Variants in USP32 observed in about 807,000 individuals in gnomAD.
USP32 encodes the protein ubiquitin carboxyl-terminal hydrolase 32.
A neutral mutation model predicts 204.8 loss-of-function variants in USP32; 59 were observed. That is an observed-to-expected ratio of 0.29 (90% CI 0.23 to 0.36). USP32 has a LOEUF of 0.36. Ranked by LOEUF, USP32 falls within the 10% of genes least tolerant of loss-of-function variation. USP32 has a pLI of 1.00. For missense variants in USP32, 1,160 were observed against 1,946.4 expected (o/e 0.60, Z 7.60); for synonymous variants, 517 against 678.4 (o/e 0.76, Z 3.70).
intron 7 of USP32, 131 bp downstream of exon 7, chr17:60,269,319 G>T: frequency 1.5e-6 from 1 of 669,082 alleles, no homozygotes; most frequent in East Asian, 3.1e-5. Flanking sequence ...ACCCTAACAT[G>T]AGATTAATAT....
rs192617491 is a variant in USP32, at chr17:60,297,268, A to G, written c.293-2467T>C. Among the ~76,000 whole-genome samples, 774 of 152,140 alleles carry G rather than the reference A, an allele frequency of 5.1e-3. 1 individual carries two copies. The highest frequency in any genetic ancestry group is 0.014 in the Middle Eastern group (4 of 294). ...TTAAAAATTAGCTGGGCATTGTGGT[A>G]CGTGCCTCTAGTCCCAGCTACTCAG... is the stretch of plus-strand genomic sequence containing the variant. On this transcript the variant is annotated intron_variant, in intron 3 of 33. Coordinates refer to ENST00000300896, the MANE Select transcript of USP32 (RefSeq NM_032582.4).
rs978539977 is a variant in USP32 at position 60,200,238 on chromosome 17, T to C, written c.3250-1794A>G. 2.6e-5 allele frequency among the ~76,000 whole-genome samples: 4 copies of C among 151,402 alleles called. No individual in the cohort carries two copies. The East Asian group carries it at 5.8e-4, about 22-fold the overall frequency. ...GAAATTTTAAGCCAAGGGCTACTAATGCAGAGAAAAATAAAAATCAGAGGT... is the reference window on the plus strand; with the variant it reads ...GAAATTTTAAGCCAAGGGCTACTAACGCAGAGAAAAATAAAAATCAGAGGT... On this transcript the variant is annotated intron_variant, in intron 26 of 33. Transcript: ENST00000300896.
At chr17:60,350,167 C>T (rs1222055997) in intron 1 of USP32, among the ~76,000 whole-genome samples, 1 of 151,826 alleles carries the variant, frequency 6.6e-6, no homozygotes, top group Non-Finnish European at 1.5e-5. Flanking sequence ...CTCCCACTGC[C>T]ACACGTGGAT....
At chr17:60,252,061 T>G (rs536186340) in intron 11 of USP32, among the ~76,000 whole-genome samples, 167 of 152,186 alleles carry the variant, frequency 1.1e-3, no homozygotes, top group Non-Finnish European at 1.9e-3. Context: ...TCTCTGCTTC[T>G]TTTTGTTTAG....
intron 2 of USP32, among the ~76,000 whole-genome samples, chr17:60,325,649 A>C (rs908412938): frequency 1.3e-5 from 2 of 151,686 alleles, no homozygotes; most frequent in East Asian, 3.9e-4. Context: ...GTAAAGGGCC[A>C]GGCGCGGTGG....
At chr17:60,265,694 G>T (rs1032264813) in intron 8 of USP32, among the ~76,000 whole-genome samples, 1 of 152,014 alleles carries the variant, frequency 6.6e-6, no homozygotes. Context: ...TACTGCGCCC[G>T]GCCTTGCTCA....
At chr17:60,346,410 T>C (rs1312742682) in intron 1 of USP32, among the ~76,000 whole-genome samples, 1 of 152,224 alleles carries the variant, frequency 6.6e-6, no homozygotes, top group Non-Finnish European at 1.5e-5. Flanking sequence ...TCCTTTGTGA[T>C]AAAAATTATA....
In USP32 at chr17:60,366,182, G is replaced by A. The variant is rs374130483; in HGVS notation, c.59-20574C>T. On this transcript the variant is annotated intron_variant, in intron 1 of 33. Coordinates refer to ENST00000300896, the MANE Select transcript of USP32 (RefSeq NM_032582.4). ...TTTTCTTTTTTCTTTTTTTTGAGAC[G>A]GAGTCTTGCTCTGTCGCCTAGGCTG... 1.7e-4 allele frequency among the ~76,000 whole-genome samples: 26 copies of A among 150,968 alleles called. No homozygotes were observed. In the East Asian group the frequency reaches 4.5e-3, roughly 26 times the overall value.
chr17:60,419,144 G>A (rs532306595), intron 1 of USP32, among the ~76,000 whole-genome samples: 29 of 152,260 alleles, frequency 1.9e-4, no homozygotes, highest in Middle Eastern at 6.8e-3. Flanking sequence ...ACTGAATAAA[G>A]AAAATGTGGT....
chr17:60,281,492 C>T (rs1344312532), intron 5 of USP32, among the ~76,000 whole-genome samples: 1 of 150,766 alleles, frequency 6.6e-6, no homozygotes. Flanking sequence ...GAGCTGAGAT[C>T]ATGCCACTGC....
chr17:60,396,489 C>T (rs2089902099), upstream of USP32, among the ~76,000 whole-genome samples: 1 of 152,178 alleles, frequency 6.6e-6, no homozygotes, highest in South Asian at 2.1e-4. Flanking sequence ...ACGTCATTCT[C>T]TAATCTGCAG....
At chr17:60,221,486 A>G (rs1414112142) in intron 15 of USP32, among the ~76,000 whole-genome samples, 1 of 151,976 alleles carries the variant, frequency 6.6e-6, no homozygotes, top group Non-Finnish European at 1.5e-5. Context: ...CTTGGACATT[A>G]TAAAAGGAAG....
At chr17:60,201,840 G>A (rs531135412) in intron 26 of USP32, among the ~76,000 whole-genome samples, 42 of 152,202 alleles carry the variant, frequency 2.8e-4, no homozygotes, top group African/African-American at 9.9e-4. Flanking sequence ...TGTATTTTTA[G>A]TAGAGATGGA....
intron 3 of USP32, among the ~76,000 whole-genome samples, chr17:60,297,544 A>T (rs1309006033): frequency 1.3e-5 from 2 of 150,726 alleles, no homozygotes; most frequent in Non-Finnish European, 3.0e-5. Flanking sequence ...CACCTCCTGG[A>T]TTCAAGCAAT....
intron 1 of USP32, among the ~76,000 whole-genome samples, chr17:60,377,840 T>A (rs1405261623): frequency 6.6e-6 from 1 of 152,122 alleles, no homozygotes; most frequent in Non-Finnish European, 1.5e-5. Context: ...AGCTGTGGGG[T>A]CACTCTATCA....
chr17:60,237,339 G>C (rs1360948595), intron 11 of USP32, among the ~76,000 whole-genome samples: 1 of 148,618 alleles, frequency 6.7e-6, no homozygotes, highest in Non-Finnish European at 1.5e-5. Flanking sequence ...TAGAGACAAG[G>C]TCTCACTATG....
At chr17:60,420,295 A>G (rs2090100344) in intron 1 of USP32, among the ~76,000 whole-genome samples, 2 of 151,988 alleles carry the variant, frequency 1.3e-5, no homozygotes, top group African/African-American at 4.8e-5. Context: ...CACCCGGCAG[A>G]ATTATGTTGT....
At position 60,392,088 on chromosome 17, in the gene USP32, C is replaced by A; in HGVS notation, c.-149G>T. On this transcript the variant is annotated 5_prime_UTR_variant, in exon 1 of 34. Coordinates refer to ENST00000300896, the MANE Select transcript of USP32 (RefSeq NM_032582.4). ...ACACTAACAAGTGCGGCTTCTGCCC[C>A]GGCGGCTCCTCCCGGTCGCCGCCAC... 1.5e-5 allele frequency: 13 copies of A among 867,866 alleles called. No homozygotes were observed. The highest frequency in any genetic ancestry group is 2.0e-5 in the Non-Finnish European group (12 of 589,456). 53.8% of individuals were successfully genotyped at this position (867,866 alleles called of 1,614,324 possible).
intron 9 of USP32, among the ~76,000 whole-genome samples, chr17:60,260,646 T>C (rs1202751015): frequency 1.3e-5 from 2 of 151,816 alleles, no homozygotes; most frequent in East Asian, 1.9e-4. Flanking sequence ...TTAGTAAACA[T>C]TTTACTAAGT....
Sources: gnomAD v4.1 joint callset for allele counts (sites outside exome capture counted in the v4.1 genomes callset) on GRCh38, gnomAD v4.1.1 for gene constraint, MANE v1.5 for transcripts, NCBI Gene and HGNC (gene_info 2026-07-23, HGNC 2026-07-21) for gene names.